The following CDC14A variants were observed in gnomAD, a reference collection of about 807,000 sequenced individuals.
CDC14A encodes the protein cell division cycle 14A.
CDC14A carries 53 observed loss-of-function variants against 74.4 expected under a neutral mutation model. The observed-to-expected ratio is 0.71, with a 90% CI of 0.57 to 0.89. The LOEUF is 0.89. CDC14A is among the 40% of genes least tolerant of loss of function. The probability of loss-of-function intolerance (pLI) is 0.00; values close to 1 mark genes in which losing one functional copy is unlikely to be tolerated. For missense variants in CDC14A, 646 were observed against 713.7 expected, an observed-to-expected ratio of 0.91 and a Z score of 1.08; for synonymous variants, 247 against 258.4, an observed-to-expected ratio of 0.96 and a Z score of 0.43.
rs568437302 is a variant in CDC14A, at chr1:100,356,037, G to A, written c.140+2185G>A. Among the ~76,000 whole-genome samples the A allele has an allele frequency of 4.6e-5, 7 of 151,734 alleles. No individual in the cohort carries two copies. In the East Asian group the frequency reaches 7.7e-4, roughly 17 times the overall value. ...GAGGAGGGATCTTGGAAAACAGCAA[G>A]TGTGAGGAGGGGAGAGGCTTGGGAC... On this transcript the variant is annotated intron_variant, in intron 2 of 15. Coordinates refer to ENST00000336454, the MANE Select transcript of CDC14A (RefSeq NM_003672.4).
intron 8 of CDC14A, among the ~76,000 whole-genome samples, chr1:100,460,626 G>A (rs1667225182): frequency 6.6e-6 from 1 of 152,172 alleles, no homozygotes; most frequent in East Asian, 1.9e-4. Flanking sequence ...CTGTTGCAGG[G>A]AAATAATTTG....
intron 2 of CDC14A, among the ~76,000 whole-genome samples, chr1:100,355,300 T>C (rs1164814271): frequency 6.6e-6 from 1 of 152,230 alleles, no homozygotes; most frequent in African/African-American, 2.4e-5. Context: ...TATATCATTA[T>C]GTTCAATTCT....
chr1:100,351,362 G>C (rs1650968345), upstream of CDC14A, among the ~76,000 whole-genome samples: 1 of 152,222 alleles, frequency 6.6e-6, no homozygotes, highest in Non-Finnish European at 1.5e-5. Flanking sequence ...TGTTTCTGGA[G>C]AGACCTCTCA....
intron 15 of CDC14A, among the ~76,000 whole-genome samples, chr1:100,500,695 G>A (rs1296324094): frequency 1.5e-5 from 2 of 137,684 alleles, no homozygotes; most frequent in East Asian, 4.5e-4. Flanking sequence ...AAGCTGCAGT[G>A]AGCCAAGATC....
In CDC14A at chr1:100,377,698, C is replaced by T. The variant is rs868576566; in HGVS notation, c.216+77C>T. On this transcript the variant is annotated intron_variant, in intron 3 of 15. Coordinates refer to ENST00000336454, the MANE Select transcript of CDC14A (RefSeq NM_003672.4). ...GGATCTGCTCAGTGGGGTTGGTGTG[C>T]ACAAAACATTTAGTCAGGTGATCTT... is the stretch of plus-strand genomic sequence containing the variant. 4.5e-4 allele frequency: 473 copies of T among 1,045,932 alleles called. 5 individuals are homozygous for T. Among genetic ancestry groups the T allele is most frequent in the Middle Eastern group, 2.1e-4 (1 of 4,744 alleles). The allele number at this position is 1,045,932 out of a possible 1,614,324, so 64.8% of individuals were successfully genotyped here.
chr1:100,391,846 T>G (rs1571043121), intron 4 of CDC14A, among the ~76,000 whole-genome samples: 1 of 152,256 alleles, frequency 6.6e-6, no homozygotes, highest in Admixed American at 6.5e-5. Flanking sequence ...GGCTGGGGCC[T>G]TGCTTGTAGC....
chr1:100,509,790 T>G (rs1649564409), intron 15 of CDC14A, among the ~76,000 whole-genome samples: 1 of 152,242 alleles, frequency 6.6e-6, no homozygotes, highest in African/African-American at 2.4e-5. Context: ...GAGAGAACTG[T>G]TTTTATCAGT....
At position 100,491,548 on chromosome 1, in the gene CDC14A, C is replaced by CTCTATA. The variant is rs1223420176; in HGVS notation, c.1138-3269_1138-3268insCTATAT. Among the ~76,000 whole-genome samples the CTCTATA allele has an allele frequency of 2.7e-3, 106 of 38,744 alleles. 1 individual carries two copies. Among genetic ancestry groups the CTCTATA allele is most frequent in the South Asian group, 6.0e-3 (4 of 666 alleles). The allele number at this position is 38,744 out of a possible 152,430, so 25.4% of individuals were successfully genotyped here. A position where few individuals can be genotyped will look rare whatever the true frequency, so the allele number is the denominator to read the frequency against. ...TCTCTCTCTCTCTCTCTCTCTCTCT[C>CTCTATA]TATATATATATATATATATATATAT... On this transcript the variant is annotated intron_variant, in intron 11 of 15. Coordinates refer to ENST00000336454, the MANE Select transcript of CDC14A (RefSeq NM_003672.4).
At position 100,394,058 on chromosome 1, in the gene CDC14A, C is replaced by A. The variant is rs150815906; in HGVS notation, c.309+3234C>A. 1,744 of 235,738 alleles carry A rather than the reference C, an allele frequency of 7.4e-3. 28 individuals are homozygous for A. The highest frequency in any genetic ancestry group is 0.039 in the African/African-American group (1,645 of 42,508). 14.6% of individuals were successfully genotyped at this position (235,738 alleles called of 1,614,324 possible). A position where few individuals can be genotyped will look rare whatever the true frequency, so the allele number is the denominator to read the frequency against. ...GACCTCAGGTTTGCCCTACTCTTCT[C>A]ATTTCTTTACCCCTTTTTCCCTCCC... On this transcript the variant is annotated intron_variant, in intron 4 of 15. Transcript: ENST00000336454.
chr1:100,390,469 T>A lies in CDC14A; in HGVS notation c.217-263T>A, dbSNP rs17122369. 0.015 allele frequency among the ~76,000 whole-genome samples: 2,322 copies of A among 152,304 alleles called. 63 individuals carry two copies. The highest frequency in any genetic ancestry group is 0.053 in the African/African-American group (2,203 of 41,566). On this transcript the variant is annotated intron_variant, in intron 3 of 15. Coordinates refer to ENST00000336454, the MANE Select transcript of CDC14A (RefSeq NM_003672.4). ...TTTCCAGTTAATAGAGATGCCAATA[T>A]TTTAATTATTTTCCACCATATTAGT...
intron 4 of CDC14A, among the ~76,000 whole-genome samples, chr1:100,406,752 G>A (rs556498783): frequency 5.7e-4 from 86 of 151,894 alleles, no homozygotes; most frequent in African/African-American, 1.8e-3. Context: ...GTAAAACCCC[G>A]TCTCTACTAA....
At chr1:100,392,750 A>G (rs1012730473) in intron 4 of CDC14A, among the ~76,000 whole-genome samples, 1 of 152,262 alleles carries the variant, frequency 6.6e-6, no homozygotes, top group Non-Finnish European at 1.5e-5. Flanking sequence ...CATGGCCCAC[A>G]TGGCTCAAAA....
rs570038632 is a variant in CDC14A, at chr1:100,393,207, C to T, written c.309+2383C>T. On this transcript the variant is annotated intron_variant, in intron 4 of 15. Transcript: ENST00000336454. ...TCCAGCTGTGAGTTGCATGTTCTTT[C>T]TCTGCCAGTTTAAATCTTGAATATG... is the stretch of plus-strand genomic sequence containing the variant. 32 of 1,594,732 alleles carry T rather than the reference C, an allele frequency of 2.0e-5. No homozygotes were observed. In the East Asian group the frequency reaches 6.7e-4, roughly 33 times the overall value.
intron 2 of CDC14A, among the ~76,000 whole-genome samples, chr1:100,358,526 G>A (rs2100887233): frequency 6.6e-6 from 1 of 152,314 alleles, no homozygotes; most frequent in East Asian, 1.9e-4. Context: ...GGTATTGAAA[G>A]TGCAGGAAAG....
Position 100,468,033 on chromosome 1 carries a change from G to T in CDC14A, c.916G>T (p.Ala306Ser), listed in dbSNP as rs1489462864. 1 of 1,613,246 alleles carries T rather than the reference G, an allele frequency of 6.2e-7. No individual in the cohort carries two copies. Among genetic ancestry groups the T allele is most frequent in the South Asian group, 1.1e-5 (1 of 90,894 alleles). ...HYRFTHAEII[A>S]WIRICRPGSI... ...CAGGTTTACACATGCTGAAATAATT[G>T]CTTGGATTAGAATATGCCGGCCAGG... Residue 306 changes from alanine to serine, a missense_variant, in exon 10 of 16, where the codon GCT (alanine) becomes TCT (serine). Transcript: ENST00000336454.
At chr1:100,345,890 C>T (rs1466657375) in intron 1 of CDC14A, among the ~76,000 whole-genome samples, 3 of 152,056 alleles carry the variant, frequency 2.0e-5, no homozygotes, top group Non-Finnish European at 4.4e-5. Context: ...CTTTAGATTA[C>T]GGCTGGGGGT....
At chr1:100,383,131 T>C (rs572046871) in intron 3 of CDC14A, among the ~76,000 whole-genome samples, 1 of 152,314 alleles carries the variant, frequency 6.6e-6, no homozygotes, top group Admixed American at 6.5e-5. Flanking sequence ...TCCAAAGCAA[T>C]GTCAACTCCC....
In CDC14A at chr1:100,378,334, C is replaced by T. The variant is rs145696266; in HGVS notation, c.216+713C>T. 3.3e-3 allele frequency among the ~76,000 whole-genome samples: 509 copies of T among 152,116 alleles called. 4 individuals carry two copies. Among genetic ancestry groups the T allele is most frequent in the African/African-American group, 0.011 (447 of 41,506 alleles). ...CAGAAAGCAATATTTATCTCCTTGT[C>T]TTCCAATTTCTAAATGAAGATCTTT... is the stretch of plus-strand genomic sequence containing the variant. On this transcript the variant is annotated intron_variant, in intron 3 of 15. Transcript: ENST00000336454.
intron 4 of CDC14A, among the ~76,000 whole-genome samples, chr1:100,411,500 C>T (rs998656186): frequency 6.6e-6 from 1 of 152,008 alleles, no homozygotes; most frequent in East Asian, 1.9e-4. Flanking sequence ...AGTTGGCTGT[C>T]GGAGTTTTTT....
Sources: gnomAD v4.1 joint callset for allele counts (sites outside exome capture counted in the v4.1 genomes callset) on GRCh38, gnomAD v4.1.1 for gene constraint, MANE v1.5 for transcripts, NCBI Gene and HGNC (gene_info 2026-07-23, HGNC 2026-07-21) for gene names.